Variants in TAX1BP1 observed in about 807,000 individuals in gnomAD.
TAX1BP1 encodes Tax1 binding protein 1, also known as tax1-binding protein 1.
A neutral mutation model predicts 97.7 loss-of-function variants in TAX1BP1; 62 were observed. That is an observed-to-expected ratio of 0.63 (90% confidence interval 0.52 to 0.78). TAX1BP1 has a LOEUF of 0.78. TAX1BP1 is among the 30% of genes least tolerant of loss of function. The pLI is 0.00. For synonymous variants in TAX1BP1, 340 were observed against 304.2 expected, an observed-to-expected ratio of 1.12 and a Z score of -1.23; for missense variants, 867 against 916.1, an observed-to-expected ratio of 0.95 and a Z score of 0.69.
At chr7:27,815,765 G>A (rs904617167) in intron 13 of TAX1BP1, among the ~76,000 whole-genome samples, 1 of 152,318 alleles carries the variant, frequency 6.6e-6, no homozygotes, top group East Asian at 1.9e-4. Flanking sequence ...GCCGGGTGCA[G>A]TGGCTCATGC....
At chr7:27,800,598 T>C (rs571618901) in intron 13 of TAX1BP1, among the ~76,000 whole-genome samples, 112 of 152,160 alleles carry the variant, frequency 7.4e-4, no homozygotes, top group African/African-American at 2.5e-3. Flanking sequence ...AAATAATTAT[T>C]TTAGGGCCTT....
chr7:27,787,974 A>G (rs1039571049), intron 8 of TAX1BP1, among the ~76,000 whole-genome samples: 2 of 152,114 alleles, frequency 1.3e-5, no homozygotes, highest in East Asian at 1.9e-4. Context: ...TTAGTTCACA[A>G]TCACATTGCC....
rs150875487 is a variant in TAX1BP1 at position 27,753,215 on chromosome 7, G to A, written c.162+4529G>A. 2.6e-3 allele frequency among the ~76,000 whole-genome samples: 392 copies of A among 152,230 alleles called. 7 individuals are homozygous for A. The highest frequency in any genetic ancestry group is 0.019 in the East Asian group (100 of 5,178). Reference sequence around the variant, plus strand: ...CTCAGGAGGCTGAGACATGAGTATCGCTTGAACCCAGGAGGTGGAGGTTGC... The same window carrying A: ...CTCAGGAGGCTGAGACATGAGTATCACTTGAACCCAGGAGGTGGAGGTTGC... On this transcript the variant is annotated intron_variant, in intron 2 of 16. Transcript: ENST00000396319.
At chr7:27,781,867 C>T (rs546618579) in intron 5 of TAX1BP1, among the ~76,000 whole-genome samples, 7 of 151,922 alleles carry the variant, frequency 4.6e-5, no homozygotes, top group Admixed American at 1.3e-4. Context: ...TACAGGTGCA[C>T]GCCACCACAC....
chr7:27,786,866 G>A (rs910702421), intron 7 of TAX1BP1, among the ~76,000 whole-genome samples: 1 of 152,194 alleles, frequency 6.6e-6, no homozygotes, highest in African/African-American at 2.4e-5. Flanking sequence ...TATTGAATTT[G>A]ATTTGTATGT....
chr7:27,828,356 G>A (rs930358744), intron 16 of TAX1BP1, among the ~76,000 whole-genome samples: 13 of 152,110 alleles, frequency 8.5e-5, no homozygotes, highest in East Asian at 1.9e-4. Context: ...CTAATTTCAC[G>A]TAATTGTGAT....
chr7:27,771,761 T>G (rs1788857522), intron 5 of TAX1BP1, among the ~76,000 whole-genome samples: 1 of 152,052 alleles, frequency 6.6e-6, no homozygotes, highest in Non-Finnish European at 1.5e-5. Flanking sequence ...TCTGCTGCCA[T>G]TCTTGCATTG....
intron 5 of TAX1BP1, among the ~76,000 whole-genome samples, chr7:27,773,942 G>T (rs1402454624): frequency 1.3e-5 from 2 of 151,960 alleles, no homozygotes; most frequent in Non-Finnish European, 2.9e-5. Context: ...TCATATAATT[G>T]TATTTTCAAC....
At chr7:27,757,185 A>G (rs1318109869) in intron 2 of TAX1BP1, among the ~76,000 whole-genome samples, 1 of 152,146 alleles carries the variant, frequency 6.6e-6, no homozygotes, top group Non-Finnish European at 1.5e-5. Context: ...AATTTTTGTA[A>G]TATTCCTAGC....
At chr7:27,796,693 C>G (rs1320490377) in intron 12 of TAX1BP1, among the ~76,000 whole-genome samples, 2 of 151,960 alleles carry the variant, frequency 1.3e-5, no homozygotes, top group African/African-American at 4.8e-5. Context: ...GAAACCCTGT[C>G]TGTACTAAAA....
intron 16 of TAX1BP1, 67 bp from the exon 17 acceptor site, chr7:27,828,561 C>A: frequency 6.8e-7 from 1 of 1,476,202 alleles, no homozygotes; most frequent in South Asian, 1.2e-5. Flanking sequence ...GGAACCTTGT[C>A]ATATATGGAC....
At chr7:27,774,013 T>G (rs1583692166) in intron 5 of TAX1BP1, among the ~76,000 whole-genome samples, 1 of 152,136 alleles carries the variant, frequency 6.6e-6, no homozygotes, top group East Asian at 1.9e-4. Flanking sequence ...TTGAGAATAT[T>G]AAAGTAATAT....
At chr7:27,794,588 G>A in intron 11 of TAX1BP1, 142 bp downstream of exon 11, 1 of 845,854 alleles carries the variant, frequency 1.2e-6, no homozygotes, top group African/African-American at 1.7e-5. Flanking sequence ...AAGAAAATAA[G>A]GGTATAAATG....
chr7:27,800,278 C>T (rs1336414925), intron 13 of TAX1BP1, among the ~76,000 whole-genome samples, 188 bp downstream of exon 13: 1 of 152,048 alleles, frequency 6.6e-6, no homozygotes. Context: ...AAAATGGATA[C>T]CATTTGCATT....
chr7:27,782,739 CAAT>C (rs1262568018), intron 5 of TAX1BP1, among the ~76,000 whole-genome samples: 1 of 151,966 alleles, frequency 6.6e-6, no homozygotes, highest in African/African-American at 2.4e-5. Flanking sequence ...ATTGTTTTGT[CAAT>C]AATTTGTTAT....
chr7:27,810,056 T>A (rs1274316856), intron 13 of TAX1BP1, among the ~76,000 whole-genome samples: 2 of 151,938 alleles, frequency 1.3e-5, no homozygotes. Flanking sequence ...TACAGGTGTG[T>A]GCCACCACGC....
chr7:27,795,583 C>T (rs1372529821), intron 11 of TAX1BP1, among the ~76,000 whole-genome samples: 1 of 152,134 alleles, frequency 6.6e-6, no homozygotes, highest in Non-Finnish European at 1.5e-5. Flanking sequence ...GACAGAGTCT[C>T]ACTCTGTCCC....
chr7:27,785,027 C>G (rs1789421577), intron 5 of TAX1BP1, 136 bp from the exon 6 acceptor site: 2 of 794,180 alleles, frequency 2.5e-6, no homozygotes, highest in East Asian at 5.7e-5. Context: ...GTTTTATAGT[C>G]TTAGCTTCTC....
intron 5 of TAX1BP1, among the ~76,000 whole-genome samples, chr7:27,782,881 T>A (rs1263995189): frequency 6.6e-6 from 1 of 152,224 alleles, no homozygotes; most frequent in Non-Finnish European, 1.5e-5. Context: ...TTGTTTATAA[T>A]CAGAATTTTA....
Sources: gnomAD v4.1 joint callset for allele counts (sites outside exome capture counted in the v4.1 genomes callset) on GRCh38, gnomAD v4.1.1 for gene constraint, MANE v1.5 for transcripts, NCBI Gene and HGNC (gene_info 2026-07-23, HGNC 2026-07-21) for gene names.